Variants in ZYG11B observed in about 807,000 individuals in gnomAD.
The protein encoded by ZYG11B is protein zyg-11 homolog B.
In ZYG11B, 36 loss-of-function variants were observed where a neutral mutation model predicts 82.4. The observed-to-expected ratio is 0.44, with a 90% CI of 0.33 to 0.58. ZYG11B has a LOEUF of 0.58. Ranked by LOEUF, ZYG11B falls within the 20% of genes least tolerant of loss-of-function variation. ZYG11B has a pLI of 0.02. For synonymous variants in ZYG11B, 303 were observed against 312.8 expected, an observed-to-expected ratio of 0.97 and a Z score of 0.33; for missense variants, 552 against 895.6, an observed-to-expected ratio of 0.62 and a Z score of 4.90.
At chr1:52,740,765 A>G (rs1167757405) in intron 1 of ZYG11B, among the ~76,000 whole-genome samples, 2 of 151,586 alleles carry the variant, frequency 1.3e-5, no homozygotes, top group East Asian at 3.9e-4. Context: ...GGGTTTCACC[A>G]TGTTGGCCAG....
intron 5 of ZYG11B, 76 bp from the exon 6 acceptor site, chr1:52,789,927 T>TTA (rs1644942803): frequency 3.9e-6 from 4 of 1,037,066 alleles, no homozygotes; most frequent in Non-Finnish European, 1.4e-6. Context: ...TTTTTTTTTT[T>TTA]TATGGAAGCT....
At chr1:52,735,067 G>A (rs560748638) in intron 1 of ZYG11B, among the ~76,000 whole-genome samples, 63 of 146,222 alleles carry the variant, frequency 4.3e-4, no homozygotes, top group African/African-American at 1.4e-3. Flanking sequence ...AGTTTCTCTC[G>A]TTGCCCAGGC....
intron 12 of ZYG11B, among the ~76,000 whole-genome samples, chr1:52,814,711 ACAC>A (rs753168006): frequency 1.3e-4 from 20 of 151,764 alleles, no homozygotes; most frequent in Non-Finnish European, 2.2e-4. Flanking sequence ...AAATACACAC[ACAC>A]ACACACACAC....
chr1:52,779,646 G>A (rs559762483), intron 3 of ZYG11B, among the ~76,000 whole-genome samples: 21 of 152,138 alleles, frequency 1.4e-4, no homozygotes, highest in Non-Finnish European at 2.5e-4. Context: ...ATGCACCACC[G>A]TGCTTGGCTA....
chr1:52,767,200 T>G (rs1644702002), intron 2 of ZYG11B, among the ~76,000 whole-genome samples: 2 of 151,676 alleles, frequency 1.3e-5, no homozygotes, highest in South Asian at 4.1e-4. Context: ...TATTTTATTT[T>G]ATTTTGTTAT....
intron 6 of ZYG11B, among the ~76,000 whole-genome samples, chr1:52,795,337 G>A (rs1339912528): frequency 6.6e-6 from 1 of 152,094 alleles, no homozygotes; most frequent in Admixed American, 6.6e-5. Context: ...CTTCCCAGTG[G>A]TGCTTCCTTA....
chr1:52,818,548 T>C (rs72895443), intron 13 of ZYG11B, among the ~76,000 whole-genome samples: 2,643 of 152,188 alleles, frequency 0.017, 77 homozygotes, highest in African/African-American at 0.06. Context: ...ATAGGGATTT[T>C]TGTGGCTCTG....
intron 5 of ZYG11B, among the ~76,000 whole-genome samples, chr1:52,786,823 G>T (rs1031302244): frequency 1.3e-5 from 2 of 152,088 alleles, no homozygotes; most frequent in African/African-American, 4.8e-5. Context: ...GGGCGTTGTG[G>T]CTCACACCTG....
At chr1:52,794,709 TA>T (rs1430993276) in intron 6 of ZYG11B, among the ~76,000 whole-genome samples, 2 of 152,160 alleles carry the variant, frequency 1.3e-5, no homozygotes, top group African/African-American at 4.8e-5. Context: ...ATCTGAGTCT[TA>T]AGGATGAAAC....
At position 52,790,158 on chromosome 1, in the gene ZYG11B, T is replaced by G. The variant is rs1571780745; in HGVS notation, c.1334+91T>G. 3.6e-6 allele frequency: 3 copies of G among 841,424 alleles called. No individual in the cohort carries two copies. In the East Asian group the frequency reaches 8.3e-5, roughly 23 times the overall value. 52.1% of individuals were successfully genotyped at this position (841,424 alleles called of 1,614,324 possible). ...TTCTTACCATTTAGGATATCCCTTT[T>G]ATAAGATTAATTGAATAGATAGAAT... is the stretch of plus-strand genomic sequence containing the variant. On this transcript the variant is annotated intron_variant, in intron 6 of 13. Transcript: ENST00000294353.
chr1:52,763,638 A>C (rs759848403), intron 2 of ZYG11B, among the ~76,000 whole-genome samples: 1 of 152,140 alleles, frequency 6.6e-6, no homozygotes, highest in Non-Finnish European at 1.5e-5. Flanking sequence ...TCTTAATTAA[A>C]ATAAATCTGA....
intron 1 of ZYG11B, among the ~76,000 whole-genome samples, chr1:52,749,486 C>T (rs1372124573): frequency 6.6e-6 from 1 of 152,128 alleles, no homozygotes; most frequent in African/African-American, 2.4e-5. Flanking sequence ...CTCTCTTTTT[C>T]CAACTTTTAC....
rs183835713 is a variant in ZYG11B, at chr1:52,790,674, C to T, written c.1334+607C>T. ...CGGCGGTTGCAGTGAGCCAAGATCG[C>T]GCCATTGCACTCCAGCCTGGGTGAC... On this transcript the variant is annotated intron_variant, in intron 6 of 13. Transcript: ENST00000294353. Among the ~76,000 whole-genome samples the T allele has an allele frequency of 1.4e-4, 20 of 138,308 alleles. No individual in the cohort carries two copies. The East Asian group carries it at 2.7e-3, about 18-fold the overall frequency. 90.7% of individuals were successfully genotyped at this position (138,308 alleles called of 152,430 possible).
intron 8 of ZYG11B, among the ~76,000 whole-genome samples, chr1:52,797,423 C>CATATGATAT (rs1558137812): frequency 1.1e-5 from 1 of 91,836 alleles, no homozygotes; most frequent in African/African-American, 4.6e-5. Context: ...ATATATTATA[C>CATATGATAT]ATATTATATA....
chr1:52,763,233 G>A (rs570709258), intron 2 of ZYG11B, among the ~76,000 whole-genome samples: 1 of 152,200 alleles, frequency 6.6e-6, no homozygotes, highest in African/African-American at 2.4e-5. Flanking sequence ...GTAGTATGAT[G>A]CCTCCAGGTT....
At chr1:52,802,047 T>C (rs772634200) in intron 9 of ZYG11B, 45 bp from the exon 10 acceptor site, 20 of 1,581,340 alleles carry the variant, frequency 1.3e-5, no homozygotes, top group Non-Finnish European at 1.6e-5. Context: ...ATTTATTTTA[T>C]ATTTGGTTCT....
At chr1:52,762,976 T>TGGG (rs34535989) in intron 2 of ZYG11B, among the ~76,000 whole-genome samples, 6 of 103,098 alleles carry the variant, frequency 5.8e-5, no homozygotes, top group African/African-American at 2.5e-4. Flanking sequence ...GGTGAGAGAT[T>TGGG]GGGGGGGGGG....
At chr1:52,783,829 T>TATGTGTGTATATGTACATAC (rs1558132566) in intron 4 of ZYG11B, among the ~76,000 whole-genome samples, 3 of 46,866 alleles carry the variant, frequency 6.4e-5, no homozygotes, top group African/African-American at 2.9e-4. Context: ...TATGTATACA[T>TATGTGTGTATATGTACATAC]ACGTGTGTAT....
chr1:52,733,088 A>G (rs1558114455), intron 1 of ZYG11B, among the ~76,000 whole-genome samples: 1 of 152,216 alleles, frequency 6.6e-6, no homozygotes, highest in Non-Finnish European at 1.5e-5. Context: ...AGTAAAATTT[A>G]CAAACAAGCC....
Sources: allele counts gnomAD v4.1 joint callset (sites outside exome capture counted in the v4.1 genomes callset), GRCh38; gene constraint gnomAD v4.1.1; transcripts MANE v1.5; gene names NCBI Gene and HGNC (gene_info 2026-07-23, HGNC 2026-07-21).